Variants in DNAH17 observed in about 807,000 individuals in gnomAD.
DNAH17 encodes the protein dynein axonemal heavy chain 17.
Under a neutral mutation model 485.6 loss-of-function variants are expected in DNAH17, and 376 were observed. The ratio of observed to expected loss-of-function variants is 0.77; its 90% confidence interval spans 0.71 to 0.84. The LOEUF is 0.84. Ranked by LOEUF, DNAH17 falls within the 40% of genes least tolerant of loss-of-function variation. DNAH17 has a pLI of 0.00. For synonymous variants in DNAH17, 3,031 were observed against 2,405.9 expected, an observed-to-expected ratio of 1.26 and a Z score of -7.60; for missense variants, 6,370 against 5,839.3, an observed-to-expected ratio of 1.09 and a Z score of -2.96.
rs773548885 is a variant in DNAH17 at position 78,455,855 on chromosome 17, G to C, written c.9978-19C>G. The C allele has an allele frequency of 1.3e-6, 2 of 1,562,854 alleles. No homozygotes were observed. Among genetic ancestry groups the C allele is most frequent in the Non-Finnish European group, 1.7e-6 (2 of 1,152,878 alleles). ...GACCAGCCTAAAGTGGGATGAGAGA[G>C]AATAAAACATATTTGCACAAGTGAG... On this transcript the variant is annotated intron_variant, in intron 62 of 80. Coordinates refer to ENST00000389840, the MANE Select transcript of DNAH17 (RefSeq NM_173628.4).
intron 37 of DNAH17, 188 bp downstream of exon 37, chr17:78,498,820 T>G: frequency 2.1e-6 from 1 of 485,518 alleles, no homozygotes; most frequent in South Asian, 3.7e-5. Flanking sequence ...TCTGATTCTG[T>G]TTTCAATGTG....
At chr17:78,472,757 C>T (rs56063946) in intron 54 of DNAH17, 63,524 of 454,858 alleles carry the variant, frequency 0.14, 4,944 homozygotes, top group South Asian at 0.21. Flanking sequence ...TTCCCCTCCC[C>T]CTCCGTTCTC....
chr17:78,518,241 A>G (rs981727893), intron 25 of DNAH17, among the ~76,000 whole-genome samples: 1 of 152,250 alleles, frequency 6.6e-6, no homozygotes, highest in Non-Finnish European at 1.5e-5. Context: ...TATGCTGTAT[A>G]TAAGAAACTC....
At chr17:78,571,236 C>T in intron 5 of DNAH17, 43 bp downstream of exon 5, 1 of 1,559,858 alleles carries the variant, frequency 6.4e-7, no homozygotes, top group Non-Finnish European at 8.8e-7. Flanking sequence ...CCAGGAGGCA[C>T]AAACAGCTTC....
At chr17:78,457,641 G>A (rs193216828) in intron 62 of DNAH17, among the ~76,000 whole-genome samples, 135 of 147,388 alleles carry the variant, frequency 9.2e-4, no homozygotes, top group East Asian at 3.0e-3. Flanking sequence ...CTACAGGTGC[G>A]CACAGCCGTG....
chr17:78,515,083 C>T, intron 25 of DNAH17, 61 bp from the exon 26 acceptor site: 2 of 1,591,004 alleles, frequency 1.3e-6, no homozygotes, highest in East Asian at 2.2e-5. Context: ...AGGAAGAAAA[C>T]CCTCTTACCT....
chr17:78,466,898 C>G, intron 55 of DNAH17, 82 bp from the exon 56 acceptor site: 1 of 1,400,442 alleles, frequency 7.1e-7, no homozygotes, highest in Non-Finnish European at 9.4e-7. Flanking sequence ...AAAGCTCTGC[C>G]AGAAAGCAAC....
At chr17:78,486,588 A>C in intron 44 of DNAH17, 82 bp from the exon 45 acceptor site, 2 of 1,462,478 alleles carry the variant, frequency 1.4e-6, no homozygotes, top group Non-Finnish European at 1.8e-6. Context: ...GCCCCTCCCT[A>C]CCTCCACCCA....
chr17:78,482,318 G>A (rs758268372), intron 48 of DNAH17, among the ~76,000 whole-genome samples: 1 of 151,994 alleles, frequency 6.6e-6, no homozygotes, highest in African/African-American at 2.4e-5. Context: ...GAGCCACTGC[G>A]CCCAGCACTT....
At chr17:78,490,507 C>T (rs1470511533) in intron 44 of DNAH17, among the ~76,000 whole-genome samples, 192 bp downstream of exon 44, 3 of 151,684 alleles carry the variant, frequency 2.0e-5, no homozygotes, top group Non-Finnish European at 2.9e-5. Context: ...TGCCCTGCCT[C>T]GTGTCACTGT....
intron 24 of DNAH17, among the ~76,000 whole-genome samples, chr17:78,525,718 T>C (rs1197969970): frequency 6.6e-6 from 1 of 152,228 alleles, no homozygotes; most frequent in Admixed American, 6.5e-5. Context: ...GGTCACCAGC[T>C]GGAGCTCCAC....
At position 78,501,177 on chromosome 17, in the gene DNAH17, G is replaced by C; in HGVS notation, c.5483+7C>G. 6.4e-7 allele frequency: 1 copy of C among 1,573,064 alleles called. No individual in the cohort carries two copies. Among genetic ancestry groups the C allele is most frequent in the African/African-American group, 1.3e-5 (1 of 74,418 alleles). ...GCACATGTGAGTTACTCAGGGACGGGCCTCACCTGTCAGTGAGTGGGGTGA... is the reference window on the plus strand; with the variant it reads ...GCACATGTGAGTTACTCAGGGACGGCCCTCACCTGTCAGTGAGTGGGGTGA... On this transcript the variant is annotated splice_region_variant and intron_variant, in intron 35 of 80. Transcript: ENST00000389840.
In DNAH17 at chr17:78,525,293, C is replaced by T. The variant is rs569396692; in HGVS notation, c.3712-132G>A. ...CTTCTGGGAGGAGGTGTCCATACAA[C>T]GGTGTCCCACCTGGAGGGAGGACAG... On this transcript the variant is annotated intron_variant, in intron 24 of 80. Transcript: ENST00000389840. 127 of 1,330,100 alleles carry T rather than the reference C, an allele frequency of 9.5e-5. No homozygotes were observed. The East Asian group carries it at 9.6e-4, about 10-fold the overall frequency. The allele number at this position is 1,330,100 out of a possible 1,614,324, so 82.4% of individuals were successfully genotyped here.
chr17:78,440,244 C>CT (rs71160296), intron 72 of DNAH17, among the ~76,000 whole-genome samples: 421 of 40,342 alleles, frequency 0.01, 76 homozygotes, highest in Non-Finnish European at 0.014. Flanking sequence ...CGACTTCATG[C>CT]TTTTTTTTTT....
At position 78,451,463 on chromosome 17, in the gene DNAH17, C is replaced by G; in HGVS notation, c.10734+6G>C. 1.2e-6 allele frequency: 2 copies of G among 1,604,318 alleles called. No individual in the cohort carries two copies. Among genetic ancestry groups the G allele is most frequent in the Non-Finnish European group, 1.7e-6 (2 of 1,175,470 alleles). ...CCTCCCGTGTGACCAAACTTCAGGCCATTACCTTCAGCTGTTCCAGATCTG... is the reference window on the plus strand; with the variant it reads ...CCTCCCGTGTGACCAAACTTCAGGCGATTACCTTCAGCTGTTCCAGATCTG... On this transcript the variant is annotated splice_donor_region_variant and intron_variant, in intron 66 of 80. Transcript: ENST00000389840.
chr17:78,530,706 C>G lies in DNAH17; in HGVS notation c.3115-194G>C, dbSNP rs12602768. On this transcript the variant is annotated intron_variant, in intron 20 of 80. Transcript: ENST00000389840. ...TTCCAAGTTATTGTTCCTTCCAGCC[C>G]CAGAGTCTAGCCCCAGAAGGTGCCA... 0.14 allele frequency among the ~76,000 whole-genome samples: 21,986 copies of G among 152,182 alleles called. 1,711 individuals are homozygous for G. The highest frequency in any genetic ancestry group is 0.33 in the East Asian group (1,683 of 5,160).
chr17:78,530,222 G>A (rs1201962760), intron 21 of DNAH17, 121 bp downstream of exon 21: 3 of 1,259,352 alleles, frequency 2.4e-6, no homozygotes, highest in Non-Finnish European at 3.2e-6. Flanking sequence ...TTGAAGCCCA[G>A]CCTCCACCCC....
intron 55 of DNAH17, 90 bp from the exon 56 acceptor site, chr17:78,466,906 A>G: frequency 7.2e-7 from 1 of 1,382,826 alleles, no homozygotes; most frequent in Non-Finnish European, 9.5e-7. Flanking sequence ...GCCAGAAAGC[A>G]ACGCGCCCTG....
chr17:78,548,961 G>A (rs1009507781), intron 16 of DNAH17, among the ~76,000 whole-genome samples: 4 of 152,258 alleles, frequency 2.6e-5, no homozygotes, highest in African/African-American at 7.2e-5. Flanking sequence ...TGCAGCTGCT[G>A]CAGCTTCAGA....
Sources: allele counts gnomAD v4.1 joint callset (sites outside exome capture counted in the v4.1 genomes callset), GRCh38; gene constraint gnomAD v4.1.1; transcripts MANE v1.5; gene names NCBI Gene and HGNC (gene_info 2026-07-23, HGNC 2026-07-21).